The following MACROD2 variants were observed in gnomAD, a reference collection of about 807,000 sequenced individuals.
MACROD2 encodes the protein ADP-ribose glycohydrolase MACROD2.
In MACROD2, 36 loss-of-function variants were observed where a neutral mutation model predicts 70.4. The ratio of observed to expected loss-of-function variants is 0.51; its 90% CI spans 0.39 to 0.68. The LOEUF (loss-of-function observed/expected upper bound fraction) is 0.68, where lower values mean the gene tolerates loss of function less well. MACROD2 is among the 30% of genes least tolerant of loss of function. MACROD2 has a pLI of 0.00. For missense variants in MACROD2, 496 were observed against 538.4 expected (o/e 0.92, Z 0.78); for synonymous variants, 172 against 178.8 (o/e 0.96, Z 0.30).
rs559565347 is a variant in MACROD2 at position 15,355,179 on chromosome 20, C to T, written c.541-76226C>T. Reference sequence around the variant, plus strand: ...CACAAGTTAAAGGCTCAGTCATCCGCAAGACTCTCTTTAATTCAGATGCCA... The same window carrying T: ...CACAAGTTAAAGGCTCAGTCATCCGTAAGACTCTCTTTAATTCAGATGCCA... On this transcript the variant is annotated intron_variant, in intron 6 of 17. Transcript: ENST00000684519. Among the ~76,000 whole-genome samples the T allele has an allele frequency of 4.6e-5, 7 of 152,296 alleles. No individual in the cohort carries two copies. In the South Asian group the frequency reaches 1.5e-3, roughly 32 times the overall value.
At chr20:15,420,860 A>G (rs74512455) in intron 6 of MACROD2, among the ~76,000 whole-genome samples, 2,753 of 152,134 alleles carry the variant, frequency 0.018, 91 homozygotes, top group African/African-American at 0.063. Context: ...CCGAGGCAGG[A>G]GGATTACTTG....
chr20:15,295,465 G>T (rs1020237864), intron 6 of MACROD2, among the ~76,000 whole-genome samples: 9 of 151,996 alleles, frequency 5.9e-5, no homozygotes, highest in Admixed American at 2.0e-4. Context: ...TGAAAAAGAG[G>T]TGCTGGGTCT....
At chr20:14,143,239 T>G (rs1443168690) in intron 3 of MACROD2, among the ~76,000 whole-genome samples, 1 of 152,202 alleles carries the variant, frequency 6.6e-6, no homozygotes, top group Non-Finnish European at 1.5e-5. Context: ...TTTCTACATT[T>G]TTATAGAGAG....
intron 5 of MACROD2, among the ~76,000 whole-genome samples, chr20:14,953,557 G>A (rs1963725): frequency 1.3e-5 from 2 of 152,044 alleles, no homozygotes; most frequent in African/African-American, 2.4e-5. Flanking sequence ...CGCCCACCTC[G>A]GCCTCCCAAA....
At chr20:14,159,404 C>G (rs1258989925) in intron 3 of MACROD2, among the ~76,000 whole-genome samples, 1 of 152,028 alleles carries the variant, frequency 6.6e-6, no homozygotes, top group East Asian at 1.9e-4. Flanking sequence ...TCTTGAATTT[C>G]TTTCATAGTT....
chr20:15,393,995 C>G (rs2045827742), intron 6 of MACROD2, among the ~76,000 whole-genome samples: 1 of 152,150 alleles, frequency 6.6e-6, no homozygotes, highest in Non-Finnish European at 1.5e-5. Context: ...AATAGTGATG[C>G]TGATGAAGAG....
intron 5 of MACROD2, among the ~76,000 whole-genome samples, chr20:15,163,283 T>C (rs1330198949): frequency 6.6e-6 from 1 of 151,390 alleles, no homozygotes; most frequent in Non-Finnish European, 1.5e-5. Flanking sequence ...ACAGAGATTA[T>C]CAGAAGATTA....
chr20:14,183,371 T>C (rs924197100), intron 3 of MACROD2, among the ~76,000 whole-genome samples: 14 of 152,134 alleles, frequency 9.2e-5, no homozygotes, highest in Admixed American at 3.3e-4. Flanking sequence ...TGTTGTTTAT[T>C]GTAGCTGCAT....
chr20:15,520,714 G>A (rs1238726597), intron 8 of MACROD2, among the ~76,000 whole-genome samples: 1 of 152,062 alleles, frequency 6.6e-6, no homozygotes, highest in Non-Finnish European at 1.5e-5. Context: ...AGTCAGACGG[G>A]CCCCTGATAT....
intron 5 of MACROD2, among the ~76,000 whole-genome samples, chr20:15,089,425 C>T: frequency 6.6e-6 from 1 of 152,102 alleles, no homozygotes; most frequent in South Asian, 2.1e-4. Flanking sequence ...TTCAGCAGCA[C>T]TGATTGTACC....
At chr20:15,963,521 A>G (rs1050040977) in intron 12 of MACROD2, among the ~76,000 whole-genome samples, 7 of 152,236 alleles carry the variant, frequency 4.6e-5, no homozygotes, top group Non-Finnish European at 8.8e-5. Flanking sequence ...ACATCTCTAT[A>G]TTTGCTGGCT....
chr20:14,267,965 C>T (rs1415313269), intron 3 of MACROD2, among the ~76,000 whole-genome samples: 1 of 107,856 alleles, frequency 9.3e-6, no homozygotes, highest in Non-Finnish European at 2.3e-5. Context: ...GAGCTACCCA[C>T]AAGCACCACC....
chr20:15,004,846 T>A (rs554804623), intron 5 of MACROD2, among the ~76,000 whole-genome samples: 2 of 152,340 alleles, frequency 1.3e-5, no homozygotes, highest in African/African-American at 4.8e-5. Flanking sequence ...AATGTCCTTA[T>A]AAGCATTCAC....
chr20:15,093,105 C>T (rs2075804135), intron 5 of MACROD2, among the ~76,000 whole-genome samples: 1 of 152,134 alleles, frequency 6.6e-6, no homozygotes, highest in South Asian at 2.1e-4. Flanking sequence ...ATAAATGACA[C>T]TGAAGTGATT....
At chr20:15,543,622 T>C (rs2047987965) in intron 8 of MACROD2, among the ~76,000 whole-genome samples, 1 of 152,214 alleles carries the variant, frequency 6.6e-6, no homozygotes, top group Admixed American at 6.5e-5. Flanking sequence ...AAATCTTAGT[T>C]TTCCATTGTT....
intron 3 of MACROD2, among the ~76,000 whole-genome samples, chr20:14,177,489 T>G (rs1409915376): frequency 6.6e-6 from 1 of 152,088 alleles, no homozygotes; most frequent in East Asian, 1.9e-4. Flanking sequence ...GCTAATTTTG[T>G]ATTTTTAGTA....
At chr20:14,515,668 A>C (rs1261245695) in intron 4 of MACROD2, among the ~76,000 whole-genome samples, 1 of 152,054 alleles carries the variant, frequency 6.6e-6, no homozygotes, top group Non-Finnish European at 1.5e-5. Context: ...GTCTCACAGA[A>C]ACAGAGAGTG....
At chr20:15,317,884 C>G (rs2077830968) in intron 6 of MACROD2, among the ~76,000 whole-genome samples, 1 of 152,000 alleles carries the variant, frequency 6.6e-6, no homozygotes, top group African/African-American at 2.4e-5. Context: ...CATCCAGAGA[C>G]ACTGTTACAA....
chr20:14,968,136 T>C (rs901428626), intron 5 of MACROD2, among the ~76,000 whole-genome samples: 1 of 152,152 alleles, frequency 6.6e-6, no homozygotes, highest in African/African-American at 2.4e-5. Flanking sequence ...ATTTATATGG[T>C]AGGTCAAAAA....
Sources: gnomAD v4.1 joint callset for allele counts (sites outside exome capture counted in the v4.1 genomes callset) on GRCh38, gnomAD v4.1.1 for gene constraint, MANE v1.5 for transcripts, NCBI Gene and HGNC (gene_info 2026-07-23, HGNC 2026-07-21) for gene names.